Variants in FGF14 observed in about 807,000 individuals in gnomAD.
The protein encoded by FGF14 is fibroblast growth factor 14, also known as fibroblast growth factor homologous factor 4.
In FGF14, 5 loss-of-function variants were observed where a neutral mutation model predicts 25.5. The observed-to-expected ratio is 0.20, with a 90% CI of 0.10 to 0.41. FGF14 has a LOEUF of 0.41. Among genes scored for constraint, FGF14 ranks in the 10% least tolerant of loss-of-function variants. The pLI, the probability that FGF14 is intolerant of heterozygous loss-of-function variation, is 1.00. For missense variants in FGF14, 222 were observed against 320.1 expected, an observed-to-expected ratio of 0.69 and a Z score of 2.34; for synonymous variants, 138 against 118.3, an observed-to-expected ratio of 1.17 and a Z score of -1.08.
At chr13:102,246,552 G>A (rs919294147) in intron 1 of FGF14, among the ~76,000 whole-genome samples, 1 of 151,874 alleles carries the variant, frequency 6.6e-6, no homozygotes, top group Non-Finnish European at 1.5e-5. Flanking sequence ...TTATTCATTG[G>A]GGAAAATGAG....
At chr13:101,775,098 C>T (rs2039020045) in intron 3 of FGF14, among the ~76,000 whole-genome samples, 3 of 151,794 alleles carry the variant, frequency 2.0e-5, no homozygotes, top group South Asian at 2.1e-4. Flanking sequence ...TAAAAATCAC[C>T]ATATAAAATT....
chr13:102,062,460 C>T (rs1386522257), intron 1 of FGF14, among the ~76,000 whole-genome samples: 2 of 152,040 alleles, frequency 1.3e-5, no homozygotes. Context: ...CTAAGTTGAT[C>T]TGAAAAACTT....
chr13:101,820,778 C>CCACACA (rs869232661), intron 3 of FGF14, among the ~76,000 whole-genome samples: 2 of 28,496 alleles, frequency 7.0e-5, no homozygotes, highest in Admixed American at 4.4e-4. Flanking sequence ...ACACCACACA[C>CCACACA]CACACACACA....
At chr13:101,997,921 T>C (rs987853610) in intron 1 of FGF14, among the ~76,000 whole-genome samples, 47 of 152,204 alleles carry the variant, frequency 3.1e-4, no homozygotes, top group African/African-American at 1.1e-3. Flanking sequence ...CATGATGTTA[T>C]GGGATACCTA....
At chr13:101,770,827 TGC>T (rs1566879743) in intron 3 of FGF14, among the ~76,000 whole-genome samples, 1 of 152,098 alleles carries the variant, frequency 6.6e-6, no homozygotes, top group Non-Finnish European at 1.5e-5. Flanking sequence ...AAATATCTAC[TGC>T]AGTGTTCTAG....
At chr13:102,112,222 T>C (rs1464679596) in intron 1 of FGF14, among the ~76,000 whole-genome samples, 3 of 152,208 alleles carry the variant, frequency 2.0e-5, no homozygotes, top group Admixed American at 6.5e-5. Flanking sequence ...GAGAATAGAA[T>C]AGGTCAGGCT....
intron 3 of FGF14, among the ~76,000 whole-genome samples, chr13:101,742,923 G>A (rs1566843533): frequency 6.6e-6 from 1 of 152,124 alleles, no homozygotes; most frequent in Non-Finnish European, 1.5e-5. Context: ...TTCCACTAAA[G>A]CAGATGAAGA....
At chr13:102,270,207 G>C (rs902196861) in intron 1 of FGF14, among the ~76,000 whole-genome samples, 1 of 151,816 alleles carries the variant, frequency 6.6e-6, no homozygotes, top group Admixed American at 6.6e-5. Context: ...CCTTCACTTA[G>C]AAACATCCAT....
At chr13:101,847,010 C>G (rs1017900498) in intron 3 of FGF14, among the ~76,000 whole-genome samples, 1 of 151,988 alleles carries the variant, frequency 6.6e-6, no homozygotes, top group East Asian at 1.9e-4. Context: ...CTTTCTAACC[C>G]TCAGATTTTT....
At chr13:102,081,661 T>C (rs1388810116) in intron 1 of FGF14, among the ~76,000 whole-genome samples, 4 of 152,218 alleles carry the variant, frequency 2.6e-5, no homozygotes, top group African/African-American at 9.7e-5. Flanking sequence ...TTTAAGATTG[T>C]CATTAGTTAT....
At chr13:102,250,318 G>T (rs2052105915) in intron 1 of FGF14, among the ~76,000 whole-genome samples, 1 of 152,222 alleles carries the variant, frequency 6.6e-6, no homozygotes, top group Non-Finnish European at 1.5e-5. Flanking sequence ...TCTGACCTGG[G>T]AGAAGTCCAA....
chr13:101,795,520 T>A (rs1594276738), intron 3 of FGF14, among the ~76,000 whole-genome samples: 1 of 152,214 alleles, frequency 6.6e-6, no homozygotes, highest in Non-Finnish European at 1.5e-5. Context: ...AGCTTTTCCA[T>A]ACCCCTGACT....
intron 1 of FGF14, among the ~76,000 whole-genome samples, chr13:102,014,299 TTTAG>T (rs1324710024): frequency 1.3e-5 from 2 of 152,248 alleles, no homozygotes; most frequent in African/African-American, 4.8e-5. Context: ...AAAAGCAACT[TTTAG>T]TTAATTTTTA....
chr13:101,726,030 A>G (rs1334589748), intron 4 of FGF14, among the ~76,000 whole-genome samples: 2 of 152,006 alleles, frequency 1.3e-5, no homozygotes, highest in East Asian at 3.9e-4. Flanking sequence ...TTATTTTAGT[A>G]AAAGAAGTAA....
chr13:101,832,087 G>A (rs1047945586), intron 3 of FGF14, among the ~76,000 whole-genome samples: 2 of 152,064 alleles, frequency 1.3e-5, no homozygotes, highest in African/African-American at 2.4e-5. Context: ...TAAAGATTAA[G>A]TTCCATCACA....
chr13:102,005,884 G>A (rs2039756312), intron 1 of FGF14, among the ~76,000 whole-genome samples: 1 of 152,158 alleles, frequency 6.6e-6, no homozygotes, highest in Non-Finnish European at 1.5e-5. Context: ...ATAATCATTT[G>A]GAAAAGTCAT....
intron 1 of FGF14, among the ~76,000 whole-genome samples, chr13:102,352,334 T>C (rs986362384): frequency 6.6e-6 from 1 of 151,230 alleles, no homozygotes; most frequent in Non-Finnish European, 1.5e-5. Flanking sequence ...AGAATAGCTA[T>C]AGGGTTCCAT....
At chr13:101,942,515 T>A (rs2035521516) in intron 1 of FGF14, among the ~76,000 whole-genome samples, 1 of 152,212 alleles carries the variant, frequency 6.6e-6, no homozygotes, top group Non-Finnish European at 1.5e-5. Flanking sequence ...GAATGTCCAA[T>A]CATCATCATT....
At chr13:101,965,387 TCA>T (rs1398013680) in intron 1 of FGF14, among the ~76,000 whole-genome samples, 1 of 152,178 alleles carries the variant, frequency 6.6e-6, no homozygotes, top group African/African-American at 2.4e-5. Flanking sequence ...CAGAATAACT[TCA>T]CAGTCTGCTC....
Sources: gnomAD v4.1 joint callset for allele counts (sites outside exome capture counted in the v4.1 genomes callset) on GRCh38, gnomAD v4.1.1 for gene constraint, MANE v1.5 for transcripts, NCBI Gene and HGNC (gene_info 2026-07-23, HGNC 2026-07-21) for gene names.